The following CADM2 variants were observed in gnomAD, a reference collection of about 807,000 sequenced individuals.
The protein encoded by CADM2 is cell adhesion molecule 2, also known as immunoglobulin superfamily member 4D.
In CADM2, 12 loss-of-function variants were observed where a neutral mutation model predicts 49.8. The ratio of observed to expected loss-of-function variants is 0.24; its 90% CI spans 0.15 to 0.39. The LOEUF (loss-of-function observed/expected upper bound fraction) is 0.39. CADM2 is among the 10% of genes least tolerant of loss of function. The pLI, the probability that CADM2 is intolerant of heterozygous loss-of-function variation, is 1.00. For synonymous variants in CADM2, 214 were observed against 175.4 expected, an observed-to-expected ratio of 1.22 and a Z score of -1.74; for missense variants, 378 against 492.3, an observed-to-expected ratio of 0.77 and a Z score of 2.20.
chr3:85,663,781 C>T (rs963377860), intron 1 of CADM2, among the ~76,000 whole-genome samples: 2 of 152,008 alleles, frequency 1.3e-5, no homozygotes, highest in Non-Finnish European at 2.9e-5. Context: ...TTTGTAGCTA[C>T]AGCCCCATTC....
At chr3:85,396,442 T>C (rs950493000) in intron 1 of CADM2, among the ~76,000 whole-genome samples, 2 of 152,034 alleles carry the variant, frequency 1.3e-5, no homozygotes, top group African/African-American at 4.8e-5. Flanking sequence ...ATCTTATTGG[T>C]AAATATAATT....
At chr3:85,608,905 C>T (rs2063605905) in intron 1 of CADM2, among the ~76,000 whole-genome samples, 2 of 152,094 alleles carry the variant, frequency 1.3e-5, no homozygotes, top group African/African-American at 4.8e-5. Context: ...CAATTTTTCT[C>T]AGCATACCTG....
intron 1 of CADM2, among the ~76,000 whole-genome samples, chr3:85,500,370 T>C (rs1356612368): frequency 2.0e-5 from 3 of 152,138 alleles, no homozygotes; most frequent in Non-Finnish European, 2.9e-5. Flanking sequence ...AGCTCCGAAA[T>C]TGGAATGTTT....
intron 1 of CADM2, among the ~76,000 whole-genome samples, chr3:85,251,131 C>T (rs2042764018): frequency 6.6e-6 from 1 of 151,634 alleles, no homozygotes; most frequent in Non-Finnish European, 1.5e-5. Flanking sequence ...TCTACTAGAA[C>T]AGTAACCATT....
At chr3:85,357,335 C>T (rs2107263791) in intron 1 of CADM2, among the ~76,000 whole-genome samples, 1 of 152,136 alleles carries the variant, frequency 6.6e-6, no homozygotes, top group East Asian at 1.9e-4. Flanking sequence ...TTAAATATAT[C>T]TTCATTTTAC....
chr3:85,538,712 G>A (rs1338860475), intron 1 of CADM2, among the ~76,000 whole-genome samples: 1 of 116,422 alleles, frequency 8.6e-6, no homozygotes. Flanking sequence ...ATAAAATCAT[G>A]GTGTTAAAAT....
chr3:85,504,865 G>C (rs2040261955), intron 1 of CADM2, among the ~76,000 whole-genome samples: 1 of 152,172 alleles, frequency 6.6e-6, no homozygotes, highest in Non-Finnish European at 1.5e-5. Context: ...GCGCAGCGCC[G>C]GTGGGCCGGC....
At chr3:85,865,916 T>G (rs1418804033) in intron 3 of CADM2, among the ~76,000 whole-genome samples, 1 of 152,174 alleles carries the variant, frequency 6.6e-6, no homozygotes, top group Non-Finnish European at 1.5e-5. Context: ...AAGCAACATT[T>G]TCGTGCAAAA....
intron 1 of CADM2, among the ~76,000 whole-genome samples, chr3:85,576,491 T>C (rs1424193933): frequency 6.6e-6 from 1 of 152,196 alleles, no homozygotes; most frequent in African/African-American, 2.4e-5. Context: ...CAAAGTCACC[T>C]TAAAAATGTT....
chr3:85,173,442 C>T (rs1282160272), intron 1 of CADM2, among the ~76,000 whole-genome samples: 1 of 151,932 alleles, frequency 6.6e-6, no homozygotes, highest in African/African-American at 2.4e-5. Flanking sequence ...GCATTACTAA[C>T]TCATTTAATT....
intron 1 of CADM2, among the ~76,000 whole-genome samples, chr3:85,395,700 G>A (rs1206586052): frequency 1.3e-5 from 2 of 151,918 alleles, no homozygotes; most frequent in Non-Finnish European, 2.9e-5. Flanking sequence ...GCCCCTTGTG[G>A]CTAACATTCT....
chr3:85,592,901 G>A (rs2063146112), intron 1 of CADM2, among the ~76,000 whole-genome samples: 1 of 151,762 alleles, frequency 6.6e-6, no homozygotes, highest in South Asian at 2.1e-4. Flanking sequence ...TCCCCTTTCT[G>A]TGTCCATGTA....
At position 86,023,372 on chromosome 3, in the gene CADM2, GT is replaced by G. The variant is rs869254028; in HGVS notation, c.971-42229del. Among the ~76,000 whole-genome samples the G allele has an allele frequency of 4.3e-4, 9 of 20,918 alleles. 1 individual carries two copies. The highest frequency in any genetic ancestry group is 2.8e-3 in the African/African-American group (2 of 722). 13.7% of individuals were successfully genotyped at this position (20,918 alleles called of 152,430 possible). On this transcript the variant is annotated intron_variant, in intron 8 of 9. Coordinates refer to ENST00000383699, the MANE Select transcript of CADM2 (RefSeq NM_001167675.2). Reference sequence around the variant, plus strand: ...AGGTTTTTTGTTTGTTTGTTTGTTTGTTTTGTTTTGTTTTGTTTTGTTTTTT... The same window carrying G: ...AGGTTTTTTGTTTGTTTGTTTGTTTGTTTGTTTTGTTTTGTTTTGTTTTTT...
intron 3 of CADM2, among the ~76,000 whole-genome samples, chr3:85,873,489 A>T (rs939203128): frequency 1.3e-5 from 2 of 152,044 alleles, no homozygotes; most frequent in African/African-American, 4.8e-5. Context: ...AACCTGGTGA[A>T]ACTTCGTCTC....
intron 8 of CADM2, among the ~76,000 whole-genome samples, chr3:85,995,260 A>G (rs1261751456): frequency 6.6e-6 from 1 of 152,194 alleles, no homozygotes; most frequent in Admixed American, 6.5e-5. Context: ...TACATGACAC[A>G]ATATACAGAT....
chr3:85,096,070 A>T (rs1344406880), intron 1 of CADM2, among the ~76,000 whole-genome samples: 2 of 152,132 alleles, frequency 1.3e-5, no homozygotes, highest in Non-Finnish European at 2.9e-5. Flanking sequence ...TGTCTGTCTA[A>T]TTAAATTTCT....
chr3:85,390,283 C>T (rs1391860359), intron 1 of CADM2, among the ~76,000 whole-genome samples: 1 of 152,064 alleles, frequency 6.6e-6, no homozygotes, highest in Non-Finnish European at 1.5e-5. Flanking sequence ...AAGACATAAC[C>T]TTTAAAATCA....
intron 1 of CADM2, among the ~76,000 whole-genome samples, chr3:85,691,941 C>G (rs1457361268): frequency 6.6e-6 from 1 of 151,698 alleles, no homozygotes; most frequent in African/African-American, 2.4e-5. Flanking sequence ...CACATGGACA[C>G]AGGAAGGGGA....
chr3:85,307,385 T>A (rs969602206), intron 1 of CADM2, among the ~76,000 whole-genome samples: 1 of 151,720 alleles, frequency 6.6e-6, no homozygotes, highest in Non-Finnish European at 1.5e-5. Flanking sequence ...TATTCATACA[T>A]TCACTACTGA....
Sources: allele counts gnomAD v4.1 joint callset (sites outside exome capture counted in the v4.1 genomes callset), GRCh38; gene constraint gnomAD v4.1.1; transcripts MANE v1.5; gene names NCBI Gene and HGNC (gene_info 2026-07-23, HGNC 2026-07-21).